Variants in ADCY2 observed in about 807,000 individuals in gnomAD.
ADCY2 encodes adenylate cyclase type 2.
A neutral mutation model predicts 125.2 loss-of-function variants in ADCY2; 31 were observed. The observed-to-expected ratio is 0.25, with a 90% CI of 0.19 to 0.33. The LOEUF is 0.33. ADCY2 is among the 10% of genes least tolerant of loss of function. The pLI, the probability that ADCY2 is intolerant of heterozygous loss-of-function variation, is 1.00. For missense variants in ADCY2, 904 were observed against 1,418.2 expected (o/e 0.64, Z 5.82); for synonymous variants, 512 against 548.4 (o/e 0.93, Z 0.93).
chr5:7,769,087 A>G (rs1490333188), intron 17 of ADCY2, among the ~76,000 whole-genome samples: 1 of 152,224 alleles, frequency 6.6e-6, no homozygotes, highest in Non-Finnish European at 1.5e-5. Context: ...TGGTGGTGGT[A>G]TAAAGTGATA....
rs200845766 is a variant in ADCY2, at chr5:7,738,288, AATG to A, written c.1872-5377_1872-5375del. ...GGCACAATATTAATGCCAAATAACT[AATG>A]ATAAGTTAGGACAGCGTGTATTAAG... On this transcript the variant is annotated intron_variant, in intron 14 of 24. Transcript: ENST00000338316. 4.8e-3 allele frequency among the ~76,000 whole-genome samples: 730 copies of A among 152,278 alleles called. 5 individuals are homozygous for A. The highest frequency in any genetic ancestry group is 0.017 in the African/African-American group (704 of 41,582).
intron 4 of ADCY2, among the ~76,000 whole-genome samples, chr5:7,627,138 G>A (rs1738161451): frequency 6.6e-6 from 1 of 152,126 alleles, no homozygotes; most frequent in South Asian, 2.1e-4. Flanking sequence ...TACAGCGCCT[G>A]TTGTCCACAT....
chr5:7,514,466 A>G (rs1744184459), intron 2 of ADCY2, among the ~76,000 whole-genome samples: 1 of 152,224 alleles, frequency 6.6e-6, no homozygotes, highest in African/African-American at 2.4e-5. Context: ...GGAATGGAAC[A>G]TGGGATGTGA....
At chr5:7,600,253 G>C (rs1026492743) in intron 3 of ADCY2, among the ~76,000 whole-genome samples, 1 of 152,180 alleles carries the variant, frequency 6.6e-6, no homozygotes, top group African/African-American at 2.4e-5. Flanking sequence ...CAAATCAATG[G>C]GAGAGAGGGA....
intron 4 of ADCY2, among the ~76,000 whole-genome samples, chr5:7,687,552 G>A (rs989736021): frequency 6.6e-6 from 1 of 152,194 alleles, no homozygotes; most frequent in Non-Finnish European, 1.5e-5. Flanking sequence ...CTCATGAAAG[G>A]GGCTGATGGT....
Position 7,520,611 on chromosome 5 carries a change from C to T in ADCY2, c.409-127C>T. ...ATTTGCATCGACTGCCCTATTTTGT[C>T]TATAGATTATTTCTAAAATGAGCAT... On this transcript the variant is annotated intron_variant, in intron 2 of 24. Transcript: ENST00000338316. 3.0e-6 allele frequency: 3 copies of T among 1,008,592 alleles called. No homozygotes were observed. The South Asian group carries it at 4.9e-5, about 16-fold the overall frequency. 62.5% of individuals were successfully genotyped at this position (1,008,592 alleles called of 1,614,324 possible).
chr5:7,491,331 A>G (rs1743157620), intron 2 of ADCY2, among the ~76,000 whole-genome samples: 1 of 151,908 alleles, frequency 6.6e-6, no homozygotes, highest in Non-Finnish European at 1.5e-5. Flanking sequence ...AATTCACTGC[A>G]ACCTCCGCCT....
rs778469117 is a variant in ADCY2 at position 7,802,182 on chromosome 5, C to T, written c.2629-36C>T. 1 of 1,608,504 alleles carries T rather than the reference C, an allele frequency of 6.2e-7. No homozygotes were observed. Among genetic ancestry groups the T allele is most frequent in the East Asian group, 2.2e-5 (1 of 44,870 alleles). Reference sequence around the variant, plus strand: ...GGAGTGTTTCTGTTTAAAGGTCAGTCTCCTAGTGATCAGCTCTTGCTTTTC... The same window carrying T: ...GGAGTGTTTCTGTTTAAAGGTCAGTTTCCTAGTGATCAGCTCTTGCTTTTC... On this transcript the variant is annotated intron_variant, in intron 20 of 24. Coordinates refer to ENST00000338316, the MANE Select transcript of ADCY2 (RefSeq NM_020546.3). The surrounding 1 kb of genome is among the most constrained non-coding windows in gnomAD (Gnocchi z 4.6).
At chr5:7,658,433 A>G (rs7444111) in intron 4 of ADCY2, among the ~76,000 whole-genome samples, 57,868 of 119,246 alleles carry the variant, frequency 0.49, 12,404 homozygotes, top group Non-Finnish European at 0.51. Flanking sequence ...GTGTGTGTGT[A>G]TATATATATA....
chr5:7,686,023 A>G, intron 4 of ADCY2, among the ~76,000 whole-genome samples: 1 of 152,200 alleles, frequency 6.6e-6, no homozygotes, highest in Non-Finnish European at 1.5e-5. Flanking sequence ...TGCCTTTAAA[A>G]TAAGAATTAC....
At chr5:7,740,608 T>C (rs1210491492) in intron 14 of ADCY2, among the ~76,000 whole-genome samples, 1 of 152,054 alleles carries the variant, frequency 6.6e-6, no homozygotes, top group Admixed American at 6.5e-5. Context: ...AGTGAAATAA[T>C]AGAGGCCACA....
At chr5:7,586,116 C>G (rs1217614984) in intron 3 of ADCY2, among the ~76,000 whole-genome samples, 1 of 152,110 alleles carries the variant, frequency 6.6e-6, no homozygotes, top group Non-Finnish European at 1.5e-5. Context: ...TTAAATTCAG[C>G]CAACTTGGCT....
At chr5:7,649,628 T>G (rs901092071) in intron 4 of ADCY2, among the ~76,000 whole-genome samples, 1 of 152,202 alleles carries the variant, frequency 6.6e-6, no homozygotes, top group African/African-American at 2.4e-5. Context: ...GTCTCCAGTC[T>G]GTTCTCTGCC....
chr5:7,772,919 T>A lies in ADCY2; in HGVS notation c.2215-13T>A. The A allele has an allele frequency of 6.2e-7, 1 of 1,613,334 alleles. No individual in the cohort carries two copies. Among genetic ancestry groups the A allele is most frequent in the Non-Finnish European group, 8.5e-7 (1 of 1,179,418 alleles). On this transcript the variant is annotated splice_polypyrimidine_tract_variant and intron_variant, in intron 17 of 24. Transcript: ENST00000338316. The stretch of plus-strand genomic sequence containing the variant: ...GATCCTAAGTATCTGTCTGGTGTCC[T>A]TCCCTGTTTCAGTACTTTATCTACA...
chr5:7,469,726 A>C (rs1742267260), intron 2 of ADCY2, among the ~76,000 whole-genome samples: 1 of 151,896 alleles, frequency 6.6e-6, no homozygotes, highest in African/African-American at 2.4e-5. Context: ...TCACATGAGA[A>C]ACATTTTTCT....
chr5:7,755,256 T>G (rs1404520538), intron 15 of ADCY2, among the ~76,000 whole-genome samples: 1 of 152,140 alleles, frequency 6.6e-6, no homozygotes, highest in African/African-American at 2.4e-5. Context: ...TGGCTCAAGC[T>G]CCCTGGTAGG....
intron 3 of ADCY2, among the ~76,000 whole-genome samples, chr5:7,621,101 A>G (rs1737940164): frequency 1.3e-5 from 2 of 152,178 alleles, no homozygotes; most frequent in Non-Finnish European, 2.9e-5. Flanking sequence ...TGGTCACCTA[A>G]CTCGTGATAA....
intron 3 of ADCY2, among the ~76,000 whole-genome samples, chr5:7,612,689 T>A (rs543555151): frequency 8.5e-5 from 13 of 152,230 alleles, no homozygotes; most frequent in African/African-American, 2.6e-4. Context: ...AACTAAGAGA[T>A]AGCTCCAGTC....
chr5:7,448,543 G>C (rs1231874007), intron 2 of ADCY2, among the ~76,000 whole-genome samples: 1 of 151,948 alleles, frequency 6.6e-6, no homozygotes, highest in Non-Finnish European at 1.5e-5. Context: ...ACACAGGTGA[G>C]CGTGTGCCAT....
Sources: gnomAD v4.1 joint callset for allele counts (sites outside exome capture counted in the v4.1 genomes callset) on GRCh38, gnomAD v4.1.1 for gene constraint, Gnocchi (gnomAD v3.1) non-coding constraint, MANE v1.5 for transcripts, NCBI Gene and HGNC (gene_info 2026-07-23, HGNC 2026-07-21) for gene names.